ROBO2: variants seen among roughly 807,000 people sequenced by gnomAD.
ROBO2 encodes the protein roundabout guidance receptor 2.
In ROBO2, 53 loss-of-function variants were observed where a neutral mutation model predicts 160.8. The observed-to-expected ratio is 0.33, with a 90% CI of 0.26 to 0.41. The LOEUF (loss-of-function observed/expected upper bound fraction) is 0.41. ROBO2 is among the 10% of genes least tolerant of loss of function. The pLI, the probability that ROBO2 is intolerant of heterozygous loss-of-function variation, is 1.00. For missense variants in ROBO2, 1,577 were observed against 1,722.4 expected, an observed-to-expected ratio of 0.92 and a Z score of 1.49; for synonymous variants, 664 against 611.7, an observed-to-expected ratio of 1.09 and a Z score of -1.26.
In ROBO2 at chr3:75,941,964, C is replaced by CCT. The variant is rs201700613; in HGVS notation, c.109+4375_109+4376dup. Among the ~76,000 whole-genome samples, 139 of 150,698 alleles carry CCT rather than the reference C, an allele frequency of 9.2e-4. 1 individual carries two copies. Among genetic ancestry groups the CCT allele is most frequent in the Middle Eastern group, 3.4e-3 (1 of 292 alleles). On this transcript the variant is annotated intron_variant, in intron 2 of 26. Coordinates refer to the ROBO2 transcript ENST00000487694. ...AAGAAGGGAAGGTTAGATAAACAGC[C>CCT]CTCTCTCTCTCTCTGTCTTTGCCTC...
At chr3:76,522,767 T>C (rs1033642304) in intron 2 of ROBO2, among the ~76,000 whole-genome samples, 6 of 151,964 alleles carry the variant, frequency 3.9e-5, no homozygotes, top group African/African-American at 1.4e-4. Context: ...GCTGCAAGAA[T>C]TGATTATCAA....
intron 2 of ROBO2, among the ~76,000 whole-genome samples, chr3:77,394,931 G>C (rs1157904291): frequency 6.6e-6 from 1 of 152,010 alleles, no homozygotes; most frequent in African/African-American, 2.4e-5. Context: ...ATTCAATATA[G>C]AATTATTTTA....
intron 2 of ROBO2, among the ~76,000 whole-genome samples, chr3:76,603,444 G>A (rs2087398002): frequency 7.3e-6 from 1 of 137,656 alleles, no homozygotes; most frequent in Non-Finnish European, 1.5e-5. Flanking sequence ...AATTCTTAAA[G>A]AATTAGAAAA....
At chr3:76,834,521 C>T (rs1212056909) in intron 2 of ROBO2, among the ~76,000 whole-genome samples, 1 of 151,958 alleles carries the variant, frequency 6.6e-6, no homozygotes, top group Non-Finnish European at 1.5e-5. Context: ...TACAGGCACA[C>T]ACCACCGTGC....
At chr3:77,334,736 G>GTA (rs111657603) in intron 2 of ROBO2, among the ~76,000 whole-genome samples, 63,673 of 150,162 alleles carry the variant, frequency 0.42, 16,405 homozygotes, top group Non-Finnish European at 0.6. Flanking sequence ...TTCAGGAACT[G>GTA]TATATATATA....
intron 2 of ROBO2, among the ~76,000 whole-genome samples, chr3:75,969,783 A>G (rs1307577058): frequency 6.6e-6 from 1 of 151,570 alleles, no homozygotes; most frequent in African/African-American, 2.4e-5. Flanking sequence ...TTCATTTCAC[A>G]TATCAACCCC....
chr3:77,254,983 A>C (rs1188017821), intron 2 of ROBO2, among the ~76,000 whole-genome samples: 1 of 152,218 alleles, frequency 6.6e-6, no homozygotes, highest in African/African-American at 2.4e-5. Flanking sequence ...CTGAGAGGGA[A>C]ACGTATTCCG....
intron 2 of ROBO2, among the ~76,000 whole-genome samples, chr3:76,661,288 G>A (rs1051787628): frequency 6.6e-6 from 1 of 152,150 alleles, no homozygotes; most frequent in Non-Finnish European, 1.5e-5. Flanking sequence ...ACACTCTAAA[G>A]TAGGAAAATA....
chr3:77,206,426 C>T (rs1196598387), intron 2 of ROBO2, among the ~76,000 whole-genome samples: 5 of 152,138 alleles, frequency 3.3e-5, no homozygotes, highest in African/African-American at 1.2e-4. Context: ...CTGTGGCCTC[C>T]TATAGTGCTG....
intron 2 of ROBO2, among the ~76,000 whole-genome samples, chr3:77,308,722 G>A (rs2063302194): frequency 6.6e-6 from 1 of 152,080 alleles, no homozygotes; most frequent in African/African-American, 2.4e-5. Flanking sequence ...AATCTAAAAT[G>A]CCTCTATTGT....
intron 2 of ROBO2, among the ~76,000 whole-genome samples, chr3:76,762,602 T>G (rs1295764767): frequency 2.6e-5 from 4 of 151,628 alleles, no homozygotes; most frequent in Non-Finnish European, 1.5e-5. Flanking sequence ...AAAAATGAGG[T>G]TCATGACAGA....
At chr3:75,984,226 A>T (rs1243565039) in intron 2 of ROBO2, among the ~76,000 whole-genome samples, 1 of 151,576 alleles carries the variant, frequency 6.6e-6, no homozygotes, top group Non-Finnish European at 1.5e-5. Flanking sequence ...CTAATTAAAA[A>T]CACACTGCTT....
intron 2 of ROBO2, among the ~76,000 whole-genome samples, chr3:76,783,904 C>A (rs1431903412): frequency 1.3e-5 from 2 of 150,974 alleles, no homozygotes; most frequent in African/African-American, 2.4e-5. Context: ...TTTCTTTACT[C>A]TTTTTTATTC....
At chr3:75,934,853 A>G (rs1947702089) in intron 1 of ROBO2, among the ~76,000 whole-genome samples, 1 of 152,178 alleles carries the variant, frequency 6.6e-6, no homozygotes, top group Non-Finnish European at 1.5e-5. Flanking sequence ...TCTGCCTTTT[A>G]AAATGACTAC....
intron 1 of ROBO2, among the ~76,000 whole-genome samples, chr3:77,083,182 T>C (rs1372633347): frequency 6.6e-6 from 1 of 152,170 alleles, no homozygotes; most frequent in African/African-American, 2.4e-5. Context: ...TCTGGCACCT[T>C]TGACCATAAA....
chr3:77,050,502 C>T (rs1051043383), intron 1 of ROBO2, among the ~76,000 whole-genome samples: 5 of 151,340 alleles, frequency 3.3e-5, no homozygotes, highest in Non-Finnish European at 5.9e-5. Flanking sequence ...CTCTAATAAA[C>T]TTACTTTCAT....
Position 76,552,014 on chromosome 3 carries a change from A to G in ROBO2, c.110-546000A>G, listed in dbSNP as rs966152715. On this transcript the variant is annotated intron_variant, in intron 2 of 26. Coordinates refer to the ROBO2 transcript ENST00000487694. ...GCCCAGCAGGTGCGAGCAATACTCA[A>G]GCAGAAGGTGCTGCCAGCCACAGAG... Among the ~76,000 whole-genome samples, 5 of 152,104 alleles carry G rather than the reference A, an allele frequency of 3.3e-5. No homozygotes were observed. In the South Asian group the frequency reaches 1.0e-3, roughly 32 times the overall value.
intron 6 of ROBO2, among the ~76,000 whole-genome samples, chr3:77,536,997 T>G (rs1437628726): frequency 2.6e-5 from 4 of 151,806 alleles, no homozygotes; most frequent in Admixed American, 6.6e-5. Context: ...TTATTTCATT[T>G]TGATATTTAC....
At chr3:75,911,757 C>T (rs1353732834) in intron 1 of ROBO2, among the ~76,000 whole-genome samples, 472 of 134,534 alleles carry the variant, frequency 3.5e-3, no homozygotes, top group Admixed American at 5.2e-3. Context: ...GGGGTTTCAC[C>T]GTGTTAGCCA....
Sources: allele counts gnomAD v4.1 joint callset (sites outside exome capture counted in the v4.1 genomes callset), GRCh38; gene constraint gnomAD v4.1.1; transcripts MANE v1.5; gene names NCBI Gene and HGNC (gene_info 2026-07-23, HGNC 2026-07-21).